The following ADCY7 variants were observed in gnomAD, a reference collection of about 807,000 sequenced individuals.
ADCY7 encodes adenylate cyclase type 7.
ADCY7 carries 72 observed loss-of-function variants against 120.6 expected under a neutral mutation model. The ratio of observed to expected loss-of-function variants is 0.60; its 90% CI spans 0.49 to 0.73. ADCY7 has a LOEUF of 0.73. Ranked by LOEUF, ADCY7 falls within the 30% of genes least tolerant of loss-of-function variation. The probability of loss-of-function intolerance (pLI) is 0.00; values close to 1 mark genes in which losing one functional copy is unlikely to be tolerated. For synonymous variants in ADCY7, 661 were observed against 628.0 expected (o/e 1.05, Z -0.78); for missense variants, 1,227 against 1,486.0 (o/e 0.83, Z 2.87).
At chr16:50,298,811 C>A in intron 7 of ADCY7, 93 bp from the exon 8 acceptor site, 1 of 1,514,594 alleles carries the variant, frequency 6.6e-7, no homozygotes, top group Non-Finnish European at 8.9e-7. Context: ...CAGGAGAGAG[C>A]CGGGTGCACC....
intron 18 of ADCY7, among the ~76,000 whole-genome samples, chr16:50,310,235 G>C (rs981026638): frequency 1.4e-4 from 21 of 152,186 alleles, no homozygotes; most frequent in Non-Finnish European, 2.9e-4. Context: ...GGGGAGAACT[G>C]GGAGATGGAG....
Position 50,305,014 on chromosome 16 carries a change from G to A in ADCY7, c.1595+55G>A, listed in dbSNP as rs2035968883. The A allele has an allele frequency of 6.8e-6, 11 of 1,606,834 alleles. No homozygotes were observed. In the South Asian group the frequency reaches 1.1e-4, roughly 16 times the overall value. On this transcript the variant is annotated intron_variant, in intron 12 of 25. Transcript: ENST00000673801. ...TGCTGCAGCCACCTCCTCCAAGCAG[G>A]CTGCCCTGAGCAGCCTCTGTCCAGT...
At position 50,287,945 on chromosome 16, in the gene ADCY7, T is replaced by A; in HGVS notation, c.-235T>A. The A allele has an allele frequency of 2.1e-6, 1 of 466,930 alleles. No homozygotes were observed. Among genetic ancestry groups the A allele is most frequent in the Non-Finnish European group, 3.8e-6 (1 of 265,440 alleles). The allele number at this position is 466,930 out of a possible 1,614,324, so 28.9% of individuals were successfully genotyped here. On this transcript the variant is annotated 5_prime_UTR_variant, in exon 2 of 26. Coordinates refer to ENST00000673801, the MANE Select transcript of ADCY7 (RefSeq NM_001114.5). ...AACTGCGTGTGGAGTCAGCCCAGTC[T>A]GGATGCACAGGAGGATGCTGGCGGC...
chr16:50,261,900 A>G (rs1421476316), upstream of ADCY7, among the ~76,000 whole-genome samples: 1 of 152,164 alleles, frequency 6.6e-6, no homozygotes, highest in Non-Finnish European at 1.5e-5. Flanking sequence ...CCTTAGGGGA[A>G]GGAAGAGGTG....
chr16:50,306,330 C>A (rs1348129227), intron 14 of ADCY7, among the ~76,000 whole-genome samples: 1 of 152,274 alleles, frequency 6.6e-6, no homozygotes, highest in East Asian at 1.9e-4. Flanking sequence ...ACGGCCAGCC[C>A]AGGGGTGCTG....
chr16:50,305,162 C>T (rs2035977275), intron 12 of ADCY7, among the ~76,000 whole-genome samples: 1 of 152,236 alleles, frequency 6.6e-6, no homozygotes, highest in Admixed American at 6.5e-5. Flanking sequence ...TGATGGAGCA[C>T]CTGTTGTATG....
intron 12 of ADCY7, 107 bp from the exon 13 acceptor site, chr16:50,305,396 A>G: frequency 2.1e-6 from 2 of 970,276 alleles, no homozygotes; most frequent in South Asian, 2.8e-5. Context: ...TTCCTTCACC[A>G]TCCCACCTGA....
intron 1 of ADCY7, among the ~76,000 whole-genome samples, chr16:50,261,323 C>G (rs2033052015): frequency 6.6e-6 from 1 of 152,104 alleles, no homozygotes. Context: ...GGATGGGTAG[C>G]ATTTTGAGCA....
Position 50,315,642 on chromosome 16 carries a change from T to C in ADCY7, c.*137T>C. 1 of 1,113,768 alleles carries C rather than the reference T, an allele frequency of 9.0e-7. No individual in the cohort carries two copies. Among genetic ancestry groups the C allele is most frequent in the South Asian group, 1.6e-5 (1 of 62,778 alleles). 69.0% of individuals were successfully genotyped at this position (1,113,768 alleles called of 1,614,324 possible). ...CATGTTGGCTTCTTTGGACCTGCAC[T>C]GGAGGATTTCTCAGACACATGCACC... On this transcript the variant is annotated 3_prime_UTR_variant, in exon 26 of 26. Transcript: ENST00000673801.
chr16:50,287,768 G>A (rs146934853), intron 1 of ADCY7, 144 bp from the exon 2 acceptor site: 13 of 165,056 alleles, frequency 7.9e-5, no homozygotes, highest in Non-Finnish European at 1.4e-4. Context: ...CTAGCTTTAC[G>A]ACAACAGGAC....
In ADCY7 at chr16:50,281,955, C is replaced by A. The variant is rs575392813; in HGVS notation, c.-268-5957C>A. ...CAGGGGAGCCGAGAGCCGGCAGGAC[C>A]GGGGGCGCGAGACGGAGCATGCAGG... On this transcript the variant is annotated intron_variant, in intron 1 of 25. Coordinates refer to ENST00000673801, the MANE Select transcript of ADCY7 (RefSeq NM_001114.5). Among the ~76,000 whole-genome samples, 4 of 152,190 alleles carry A rather than the reference C, an allele frequency of 2.6e-5. No individual in the cohort carries two copies. In the South Asian group the frequency reaches 8.3e-4, roughly 31 times the overall value.
At chr16:50,296,546 C>T (rs575992533) in intron 7 of ADCY7, among the ~76,000 whole-genome samples, 66 of 152,046 alleles carry the variant, frequency 4.3e-4, no homozygotes, top group African/African-American at 1.3e-3. Flanking sequence ...TTAGTAGAGA[C>T]GGGGTTTCAC....
At chr16:50,300,629 C>T (rs867585759) in intron 8 of ADCY7, 86 bp from the exon 9 acceptor site, 42 of 1,473,944 alleles carry the variant, frequency 2.8e-5, no homozygotes, top group Middle Eastern at 1.8e-4. Flanking sequence ...TTCCCACATG[C>T]TGCCCTGTAC....
At chr16:50,314,686 C>T (rs896216411) in intron 24 of ADCY7, 12 of 469,634 alleles carry the variant, frequency 2.6e-5, no homozygotes, top group Middle Eastern at 1.1e-3. Flanking sequence ...AGCAAAGTTA[C>T]TAAACCTAAA....
At chr16:50,247,171 A>G (rs1476093482) in intron 1 of ADCY7, among the ~76,000 whole-genome samples, 2 of 152,196 alleles carry the variant, frequency 1.3e-5, no homozygotes, top group Non-Finnish European at 2.9e-5. Flanking sequence ...GGGGGTTCTC[A>G]GGTTCAGTGA....
At chr16:50,276,637 T>C (rs2033911143) in intron 1 of ADCY7, among the ~76,000 whole-genome samples, 1 of 152,230 alleles carries the variant, frequency 6.6e-6, no homozygotes, top group Non-Finnish European at 1.5e-5. Context: ...GCTCTGTTTC[T>C]CAGGCTGGAA....
rs12918980 is a variant in ADCY7 at position 50,317,635 on chromosome 16, A to C, written c.*2130A>C. The stretch of plus-strand genomic sequence containing the variant: ...CTCAGATAATAATAGTTTGTAAGTA[A>C]AAGTTTTTAGTTTTCAGTGTTCAGG... On this transcript the variant is annotated 3_prime_UTR_variant, in exon 26 of 26. Coordinates refer to ENST00000673801, the MANE Select transcript of ADCY7 (RefSeq NM_001114.5). 1 of 152,360 alleles carries C rather than the reference A, an allele frequency of 6.6e-6. No individual in the cohort carries two copies. The highest frequency in any genetic ancestry group is 2.4e-5 in the African/African-American group (1 of 41,462). The allele number at this position is 152,360 out of a possible 1,614,324, so 9.4% of individuals were successfully genotyped here.
intron 1 of ADCY7, among the ~76,000 whole-genome samples, chr16:50,251,370 G>A (rs968989270): frequency 1.3e-5 from 2 of 152,156 alleles, no homozygotes; most frequent in Non-Finnish European, 2.9e-5. Flanking sequence ...TGTTGCTGCC[G>A]CTTTTTGTTA....
intron 1 of ADCY7, among the ~76,000 whole-genome samples, chr16:50,280,192 T>C (rs2034162657): frequency 6.6e-6 from 1 of 152,202 alleles, no homozygotes; most frequent in South Asian, 2.1e-4. Flanking sequence ...CAGGAATTTA[T>C]CCATCTCTTA....
Sources: gnomAD v4.1 joint callset for allele counts (sites outside exome capture counted in the v4.1 genomes callset) on GRCh38, gnomAD v4.1.1 for gene constraint, MANE v1.5 for transcripts, NCBI Gene and HGNC (gene_info 2026-07-23, HGNC 2026-07-21) for gene names.